The following BTBD9 variants were observed in gnomAD, a reference collection of about 807,000 sequenced individuals.
BTBD9 encodes the protein BTB domain containing 9.
A neutral mutation model predicts 64.3 loss-of-function variants in BTBD9; 49 were observed. That is an observed-to-expected ratio of 0.76 (90% confidence interval 0.61 to 0.97). The LOEUF is 0.97. Among genes scored for constraint, BTBD9 ranks in the 50% least tolerant of loss-of-function variants. The probability of loss-of-function intolerance (pLI) is 0.00; values close to 1 mark genes in which losing one functional copy is unlikely to be tolerated. For synonymous variants in BTBD9, 260 were observed against 274.7 expected (o/e 0.95, Z 0.53); for missense variants, 598 against 762.1 (o/e 0.78, Z 2.53).
intron 6 of BTBD9, chr6:38,481,642 AT>A (rs896754118): frequency 2.6e-5 from 4 of 152,202 alleles, no homozygotes; most frequent in African/African-American, 7.2e-5. Context: ...TGGCAGCACC[AT>A]TTGCTAGCAC....
chr6:38,639,150 G>T (rs1562455548), intron 1 of BTBD9, among the ~76,000 whole-genome samples: 2 of 152,186 alleles, frequency 1.3e-5, no homozygotes, highest in South Asian at 4.1e-4. Context: ...AAGAAATGAG[G>T]ATGCCTATCA....
intron 6 of BTBD9, among the ~76,000 whole-genome samples, chr6:38,506,083 G>T (rs796587281): frequency 1.2e-4 from 18 of 151,054 alleles, no homozygotes; most frequent in African/African-American, 3.9e-4. Context: ...CACCATCTAT[G>T]CTGACTCTAA....
intron 6 of BTBD9, among the ~76,000 whole-genome samples, chr6:38,459,088 G>A (rs544910642): frequency 2.6e-5 from 4 of 151,484 alleles, no homozygotes; most frequent in South Asian, 4.2e-4. Flanking sequence ...GTGTGATCTC[G>A]GCTCACTGCA....
At chr6:38,365,465 G>T (rs369519552) in intron 6 of BTBD9, among the ~76,000 whole-genome samples, 3 of 152,208 alleles carry the variant, frequency 2.0e-5, no homozygotes, top group African/African-American at 7.2e-5. Context: ...GTACAGGCTG[G>T]ATGTGGTGGC....
chr6:38,264,374 T>C (rs1258869565), intron 8 of BTBD9, among the ~76,000 whole-genome samples: 1 of 152,084 alleles, frequency 6.6e-6, no homozygotes, highest in African/African-American at 2.4e-5. Flanking sequence ...GAGGTCATGA[T>C]GCAAAGAACA....
intron 6 of BTBD9, among the ~76,000 whole-genome samples, chr6:38,484,252 T>G (rs1033746143): frequency 1.3e-5 from 2 of 152,248 alleles, no homozygotes; most frequent in African/African-American, 4.8e-5. Flanking sequence ...AAGGAAGTGT[T>G]ATATTTTTAT....
chr6:38,587,619 T>A, intron 4 of BTBD9: 2 of 590,008 alleles, frequency 3.4e-6, no homozygotes, highest in Non-Finnish European at 6.4e-6. Context: ...GAAGACCCCT[T>A]GAATCAAGTC....
At chr6:38,589,129 T>TC (rs1321384134) in intron 4 of BTBD9, among the ~76,000 whole-genome samples, 1 of 152,146 alleles carries the variant, frequency 6.6e-6, no homozygotes, top group African/African-American at 2.4e-5. Flanking sequence ...TTCCTTGAGC[T>TC]CCCCCTCATT....
chr6:38,178,581 C>T (rs970877413), intron 10 of BTBD9, among the ~76,000 whole-genome samples: 1 of 152,018 alleles, frequency 6.6e-6, no homozygotes, highest in African/African-American at 2.4e-5. Flanking sequence ...GGGAAGGCTT[C>T]CTGGGGGAGG....
At chr6:38,320,030 T>G (rs889057346) in intron 7 of BTBD9, among the ~76,000 whole-genome samples, 3 of 152,154 alleles carry the variant, frequency 2.0e-5, no homozygotes, top group African/African-American at 7.2e-5. Flanking sequence ...CCACGGGCAT[T>G]GGCTGTGTTC....
At chr6:38,317,713 T>C (rs1289837995) in intron 7 of BTBD9, among the ~76,000 whole-genome samples, 3 of 152,178 alleles carry the variant, frequency 2.0e-5, no homozygotes, top group African/African-American at 7.2e-5. Flanking sequence ...TCTCTGACTG[T>C]GTAATTTCAA....
intron 7 of BTBD9, among the ~76,000 whole-genome samples, chr6:38,294,270 A>G (rs570213595): frequency 2.0e-5 from 3 of 152,234 alleles, no homozygotes; most frequent in African/African-American, 7.2e-5. Flanking sequence ...CGATTCCTCA[A>G]GAATCTAGAA....
At chr6:38,465,507 T>G (rs1319213954) in intron 6 of BTBD9, among the ~76,000 whole-genome samples, 1 of 143,366 alleles carries the variant, frequency 7.0e-6, no homozygotes, top group Non-Finnish European at 1.5e-5. Flanking sequence ...GGTGGGCGCC[T>G]GTAGTCCCAG....
rs553142589 is a variant in BTBD9, at chr6:38,243,404, C to T, written c.1562+13005G>A. Among the ~76,000 whole-genome samples, 11 of 152,234 alleles carry T rather than the reference C, an allele frequency of 7.2e-5. No homozygotes were observed. The South Asian group carries it at 2.1e-3, about 29-fold the overall frequency. On this transcript the variant is annotated intron_variant, in intron 9 of 10. Coordinates refer to ENST00000481247, the MANE Select transcript of BTBD9 (RefSeq NM_001099272.2). ...AGGGATTAAGAAATCACAGCAACGACAACCTAGCAACAGTGTTCTAGACTC... is the reference window on the plus strand; with the variant it reads ...AGGGATTAAGAAATCACAGCAACGATAACCTAGCAACAGTGTTCTAGACTC...
chr6:38,480,651 AC>A (rs1771097983), intron 6 of BTBD9, among the ~76,000 whole-genome samples: 1 of 151,870 alleles, frequency 6.6e-6, no homozygotes, highest in Non-Finnish European at 1.5e-5. Flanking sequence ...ACACGCCAAA[AC>A]CCCCCACCAA....
chr6:38,521,331 CAG>C (rs1773263456), intron 6 of BTBD9, among the ~76,000 whole-genome samples: 1 of 152,118 alleles, frequency 6.6e-6, no homozygotes, highest in African/African-American at 2.4e-5. Flanking sequence ...ACATTTAAAA[CAG>C]TGCTTGAAGC....
intron 6 of BTBD9, among the ~76,000 whole-genome samples, chr6:38,574,198 T>C (rs1045573748): frequency 1.3e-5 from 2 of 152,198 alleles, no homozygotes; most frequent in Non-Finnish European, 2.9e-5. Context: ...ATGGTTGGAA[T>C]GTTCACACTG....
intron 6 of BTBD9, among the ~76,000 whole-genome samples, chr6:38,568,881 A>C (rs954428261): frequency 6.6e-6 from 1 of 152,216 alleles, no homozygotes; most frequent in Admixed American, 6.5e-5. Context: ...AAGAAGTTTT[A>C]AAAGCGACAG....
At chr6:38,272,864 A>G (rs1358899918) in intron 8 of BTBD9, among the ~76,000 whole-genome samples, 2 of 152,168 alleles carry the variant, frequency 1.3e-5, no homozygotes, top group Non-Finnish European at 2.9e-5. Flanking sequence ...AGATATCAGG[A>G]AAAGAAATGA....
Sources: gnomAD v4.1 joint callset for allele counts (sites outside exome capture counted in the v4.1 genomes callset) on GRCh38, gnomAD v4.1.1 for gene constraint, MANE v1.5 for transcripts, NCBI Gene and HGNC (gene_info 2026-07-23, HGNC 2026-07-21) for gene names.